DRC5: variants seen among roughly 807,000 people sequenced by gnomAD.
The protein encoded by DRC5 is T-complex-associated testis-expressed protein 1.
the DRC5 span, among the ~76,000 whole-genome samples, chr6:44,292,908 G>C: frequency 6.6e-6 from 1 of 152,318 alleles, no homozygotes; most frequent in South Asian, 2.1e-4. Flanking sequence ...TCCCAGAGCT[G>C]TCTGGCTCTT....
At chr6:44,286,142 G>A in the DRC5 span, 10 of 1,613,904 alleles carry the variant, frequency 6.2e-6, no homozygotes, top group Non-Finnish European at 8.5e-6. Context: ...GTCAACGGTG[G>A]GCTCCTCCAT....
chr6:44,279,891 C>CA, the DRC5 span: 1 of 321,070 alleles, frequency 3.1e-6, no homozygotes, highest in Non-Finnish European at 5.8e-6. Flanking sequence ...CACAGTCCCT[C>CA]AGACACCTCT....
chr6:44,290,495 G>A, the DRC5 span, among the ~76,000 whole-genome samples: 4 of 152,292 alleles, frequency 2.6e-5, no homozygotes, highest in South Asian at 6.2e-4. Flanking sequence ...GTATCTTTGG[G>A]TGAGTGCAAA....
chr6:44,279,248 G>C, the DRC5 span: 2 of 152,232 alleles, frequency 1.3e-5, no homozygotes, highest in Non-Finnish European at 2.9e-5. Flanking sequence ...CAGAGTGATG[G>C]GGGACTCATG....
chr6:44,282,910 C>T, the DRC5 span, among the ~76,000 whole-genome samples: 1 of 144,356 alleles, frequency 6.9e-6, no homozygotes, highest in African/African-American at 2.6e-5. Context: ...TCACACCATT[C>T]TCCTGCCTCA....
At chr6:44,286,078 G>T in the DRC5 span, 1 of 1,614,156 alleles carries the variant, frequency 6.2e-7, no homozygotes, top group Non-Finnish European at 8.5e-7. Flanking sequence ...CGTACACCAG[G>T]TCCAGCTCCT....
At chr6:44,292,838 C>T in the DRC5 span, among the ~76,000 whole-genome samples, 1 of 152,082 alleles carries the variant, frequency 6.6e-6, no homozygotes, top group African/African-American at 2.4e-5. Context: ...CCAGCAGAAA[C>T]GATAGATAGA....
chr6:44,283,188 G>A, the DRC5 span, among the ~76,000 whole-genome samples: 1 of 152,114 alleles, frequency 6.6e-6, no homozygotes, highest in East Asian at 1.9e-4. Flanking sequence ...ACAGAAAATG[G>A]AGGCTTACAT....
chr6:44,282,610 C>T, the DRC5 span: 1 of 1,507,490 alleles, frequency 6.6e-7, no homozygotes, highest in South Asian at 1.3e-5. Context: ...GATAATCAGC[C>T]TGCCCACCTA....
chr6:44,284,652 G>T, the DRC5 span, among the ~76,000 whole-genome samples: 1 of 152,148 alleles, frequency 6.6e-6, no homozygotes, highest in African/African-American at 2.4e-5. Context: ...ACAAGCCAGA[G>T]GTCTTGCACC....
chr6:44,297,145 TCCTACC>T, the DRC5 span, among the ~76,000 whole-genome samples: 1 of 152,018 alleles, frequency 6.6e-6, no homozygotes, highest in Admixed American at 6.5e-5. Context: ...CCCTCCCCCA[TCCTACC>T]TGGGGTGTAG....
chr6:44,296,705 T>TCC, the DRC5 span, among the ~76,000 whole-genome samples: 1 of 148,252 alleles, frequency 6.7e-6, no homozygotes, highest in Non-Finnish European at 1.5e-5. Flanking sequence ...CCGGGACACT[T>TCC]CCCCAGGAGC....
chr6:44,286,238 A>C, the DRC5 span: 40 of 1,612,474 alleles, frequency 2.5e-5, no homozygotes, highest in Non-Finnish European at 2.4e-5. Context: ...ATCGACGTGG[A>C]CCCTGCGCAC....
the DRC5 span, among the ~76,000 whole-genome samples, chr6:44,285,426 G>A: frequency 6.6e-6 from 1 of 152,136 alleles, no homozygotes; most frequent in Non-Finnish European, 1.5e-5. Context: ...GTCTCATTTT[G>A]TAACCCAGGC....
the DRC5 span, chr6:44,279,746 A>AC: frequency 5.6e-5 from 7 of 125,590 alleles, no homozygotes; most frequent in African/African-American, 1.8e-4. Context: ...CTGTAGCCAG[A>AC]GGGTGTGTGT....
the DRC5 span, among the ~76,000 whole-genome samples, chr6:44,293,355 G>A: frequency 2.7e-5 from 4 of 147,166 alleles, no homozygotes; most frequent in African/African-American, 1.0e-4. Context: ...GCTCACACCT[G>A]TAATCCTAGA....
At chr6:44,287,084 C>T in the DRC5 span, 1 of 522,072 alleles carries the variant, frequency 1.9e-6, no homozygotes, top group Admixed American at 6.4e-5. Flanking sequence ...AAATAATGGC[C>T]CTGTCCTCAG....
the DRC5 span, chr6:44,282,141 C>T: frequency 6.2e-7 from 1 of 1,614,028 alleles, no homozygotes; most frequent in Non-Finnish European, 8.5e-7. Context: ...CAGGTTGATG[C>T]TGGTGAGTGT....
At chr6:44,294,772 C>CAAA in the DRC5 span, among the ~76,000 whole-genome samples, 2,575 of 88,052 alleles carry the variant, frequency 0.029, 98 homozygotes, top group African/African-American at 0.052. Context: ...AACTCTGTCT[C>CAAA]AAAAAAAAAA....
Sources: allele counts gnomAD v4.1 joint callset (sites outside exome capture counted in the v4.1 genomes callset), GRCh38; gene constraint gnomAD v4.1.1; transcripts MANE v1.5; gene names NCBI Gene and HGNC (gene_info 2026-07-23, HGNC 2026-07-21).